The following PIAS1 variants were observed in gnomAD, a reference collection of about 807,000 sequenced individuals.
PIAS1 encodes protein inhibitor of activated STAT 1.
In PIAS1, 6 loss-of-function variants were observed where a neutral mutation model predicts 71.3. The ratio of observed to expected loss-of-function variants is 0.08; its 90% confidence interval spans 0.05 to 0.17. The LOEUF is 0.17. PIAS1 is among the 10% of genes least tolerant of loss of function. PIAS1 has a pLI of 1.00. For missense variants in PIAS1, 555 were observed against 793.6 expected (o/e 0.70, Z 3.61); for synonymous variants, 303 against 292.9 (o/e 1.03, Z -0.35).
At chr15:68,105,078 C>T (rs574829968) in intron 2 of PIAS1, among the ~76,000 whole-genome samples, 1 of 152,246 alleles carries the variant, frequency 6.6e-6, no homozygotes, top group Admixed American at 6.5e-5. Context: ...TGTATTAAAG[C>T]TCAGCCAAGA....
chr15:68,115,718 C>T (rs1438804208), intron 2 of PIAS1, among the ~76,000 whole-genome samples: 1 of 151,962 alleles, frequency 6.6e-6, no homozygotes, highest in East Asian at 1.9e-4. Flanking sequence ...TACTTCTATT[C>T]CTGGTTTCTG....
chr15:68,130,479 T>G (rs2092682216), intron 2 of PIAS1, among the ~76,000 whole-genome samples: 1 of 151,984 alleles, frequency 6.6e-6, no homozygotes, highest in Non-Finnish European at 1.5e-5. Flanking sequence ...TGTGATATAC[T>G]GATAACTTGA....
At chr15:68,143,089 C>G (rs1000882978) in intron 4 of PIAS1, among the ~76,000 whole-genome samples, 2 of 151,680 alleles carry the variant, frequency 1.3e-5, no homozygotes, top group African/African-American at 4.8e-5. Flanking sequence ...ATATATATAT[C>G]TCCCTTATAT....
intron 8 of PIAS1, among the ~76,000 whole-genome samples, chr15:68,169,518 C>G (rs926027244): frequency 2.0e-5 from 3 of 152,144 alleles, no homozygotes; most frequent in African/African-American, 7.2e-5. Context: ...ACTAAAAATG[C>G]AAAAATTAGC....
intron 8 of PIAS1, among the ~76,000 whole-genome samples, chr15:68,166,089 T>G (rs2092956185): frequency 6.6e-6 from 1 of 152,196 alleles, no homozygotes; most frequent in African/African-American, 2.4e-5. Context: ...AATTAGTTTC[T>G]GTAAGTTATA....
In PIAS1 at chr15:68,182,425, A is replaced by AGTGTGTGTGTGTGT. The variant is rs10532167; in HGVS notation, c.1624+1094_1624+1107dup. Among the ~76,000 whole-genome samples, 37 of 123,338 alleles carry AGTGTGTGTGTGTGT rather than the reference A, an allele frequency of 3.0e-4. 1 individual carries two copies. The highest frequency in any genetic ancestry group is 1.4e-3 in the South Asian group (5 of 3,554). The allele number at this position is 123,338 out of a possible 152,430, so 80.9% of individuals were successfully genotyped here. A position where few individuals can be genotyped will look rare whatever the true frequency, so the allele number is the denominator to read the frequency against. The stretch of plus-strand genomic sequence containing the variant: ...ACCCCATTCCCGGGAAGTTACAGCT[A>AGTGTGTGTGTGTGT]GTGTGTGTGTGTGTGTGTGTGTGTG... On this transcript the variant is annotated intron_variant, in intron 12 of 13. Coordinates refer to ENST00000249636, the MANE Select transcript of PIAS1 (RefSeq NM_016166.3).
At chr15:68,149,535 A>G (rs2092831689) in intron 6 of PIAS1, among the ~76,000 whole-genome samples, 1 of 151,942 alleles carries the variant, frequency 6.6e-6, no homozygotes, top group African/African-American at 2.4e-5. Flanking sequence ...ATCTTCTTTT[A>G]TGTTCCTCAG....
At chr15:68,127,282 C>CT (rs1054035159) in intron 2 of PIAS1, among the ~76,000 whole-genome samples, 161 of 151,476 alleles carry the variant, frequency 1.1e-3, no homozygotes, top group African/African-American at 2.3e-3. Context: ...TTTTGAATTT[C>CT]TTTTTTTTTG....
At chr15:68,061,201 C>T (rs908687815) in intron 1 of PIAS1, among the ~76,000 whole-genome samples, 6 of 152,168 alleles carry the variant, frequency 3.9e-5, no homozygotes, top group Non-Finnish European at 8.8e-5. Flanking sequence ...ATTTATGTAA[C>T]GTTTTATCAT....
At chr15:68,127,537 A>AC (rs2092659211) in intron 2 of PIAS1, among the ~76,000 whole-genome samples, 1 of 151,334 alleles carries the variant, frequency 6.6e-6, no homozygotes, top group Non-Finnish European at 1.5e-5. Flanking sequence ...CTTTGTTACC[A>AC]CTCATATATT....
At chr15:68,166,919 A>G (rs1011516774) in intron 8 of PIAS1, among the ~76,000 whole-genome samples, 1 of 152,124 alleles carries the variant, frequency 6.6e-6, no homozygotes, top group African/African-American at 2.4e-5. Context: ...TCCACCTCCC[A>G]GGTTCATGCA....
rs1465674293 is a variant in PIAS1, at chr15:68,186,077, G to A, written c.1663-1465G>A. On this transcript the variant is annotated intron_variant, in intron 13 of 13. Transcript: ENST00000249636. This position sits in a 1 kb window ranked among gnomAD's most constrained non-coding sequence, Gnocchi z 4.4. ...TTACAAGCAAACCTATGATAAAAAA[G>A]AAACCAAGCCAAACACCATGGACAT... Among the ~76,000 whole-genome samples, 6 of 152,286 alleles carry A rather than the reference G, an allele frequency of 3.9e-5. No homozygotes were observed. In the South Asian group the frequency reaches 1.2e-3, roughly 32 times the overall value.
chr15:68,059,709 C>CAA (rs770069635), intron 1 of PIAS1, among the ~76,000 whole-genome samples: 101 of 76,498 alleles, frequency 1.3e-3, no homozygotes, highest in East Asian at 8.7e-3. Flanking sequence ...CCGTCTCAAA[C>CAA]AAAAAAAAAA....
rs892471992 is a variant in PIAS1, at chr15:68,187,932, A to G, written c.*97A>G. 14 of 1,133,872 alleles carry G rather than the reference A, an allele frequency of 1.2e-5. No individual in the cohort carries two copies. The highest frequency in any genetic ancestry group is 2.6e-5 in the Admixed American group (1 of 38,556). 70.2% of individuals were successfully genotyped at this position (1,133,872 alleles called of 1,614,324 possible). A position where few individuals can be genotyped will look rare whatever the true frequency, so the allele number is the denominator to read the frequency against. ...TCTGTTTTACCTTACTCTGTTTAGA[A>G]AAGTATACAAGCGTGTTTTTTTTCC... On this transcript the variant is annotated 3_prime_UTR_variant, in exon 14 of 14. Coordinates refer to ENST00000249636, the MANE Select transcript of PIAS1 (RefSeq NM_016166.3). The surrounding 1 kb of genome is among the most constrained non-coding windows in gnomAD (Gnocchi z 5.3).
At position 68,055,120 on chromosome 15, in the gene PIAS1, G is replaced by T. The variant is rs528908062; in HGVS notation, c.24+770G>T. The T allele has an allele frequency of 6.1e-5, 43 of 707,276 alleles. 1 individual carries two copies. The highest frequency in any genetic ancestry group is 1.4e-3 in the Middle Eastern group (2 of 1,386). The allele number at this position is 707,276 out of a possible 1,614,324, so 43.8% of individuals were successfully genotyped here. ...GTGTCTTTGGAAGCAGTGTTGGGAG[G>T]GGGGGATGCAGCTACCTCTCTCCCT... On this transcript the variant is annotated intron_variant, in intron 1 of 13. Coordinates refer to ENST00000249636, the MANE Select transcript of PIAS1 (RefSeq NM_016166.3).
chr15:68,164,845 T>TA (rs1171693027), intron 8 of PIAS1, 41 bp downstream of exon 8: 2 of 1,060,576 alleles, frequency 1.9e-6, no homozygotes, highest in Admixed American at 2.3e-5. Context: ...AAGTTTAACA[T>TA]ACATTTTCTC....
At chr15:68,059,730 A>AG (rs1322645445) in intron 1 of PIAS1, among the ~76,000 whole-genome samples, 1 of 150,442 alleles carries the variant, frequency 6.6e-6, no homozygotes, top group Non-Finnish European at 1.5e-5. Context: ...AAAAAAAAAA[A>AG]GAAAGCAATA....
chr15:68,058,405 C>G (rs2091920029), intron 1 of PIAS1, among the ~76,000 whole-genome samples: 1 of 152,262 alleles, frequency 6.6e-6, no homozygotes, highest in African/African-American at 2.4e-5. Context: ...ATAACTAAAT[C>G]CTTTTTATAG....
intron 5 of PIAS1, 103 bp from the exon 6 acceptor site, chr15:68,146,463 C>A: frequency 1.3e-6 from 1 of 759,138 alleles, no homozygotes; most frequent in Non-Finnish European, 2.1e-6. Context: ...TGAAAACATT[C>A]ATATTTTCTA....
Sources: allele counts gnomAD v4.1 joint callset (sites outside exome capture counted in the v4.1 genomes callset), GRCh38; gene constraint gnomAD v4.1.1; non-coding constraint Gnocchi (gnomAD v3.1); transcripts MANE v1.5; gene names NCBI Gene and HGNC (gene_info 2026-07-23, HGNC 2026-07-21).